The following MYCBP2 variants were observed in gnomAD, a reference collection of about 807,000 sequenced individuals.
MYCBP2 encodes the protein E3 ubiquitin-protein ligase MYCBP2.
A neutral mutation model predicts 525.3 loss-of-function variants in MYCBP2; 120 were observed. That is an observed-to-expected ratio of 0.23 (90% CI 0.20 to 0.27). MYCBP2 has a LOEUF of 0.27. Among genes scored for constraint, MYCBP2 ranks in the 10% least tolerant of loss-of-function variants. The pLI is 1.00. For synonymous variants in MYCBP2, 1,894 were observed against 1,955.8 expected, an observed-to-expected ratio of 0.97 and a Z score of 0.83; for missense variants, 4,149 against 5,657.1, an observed-to-expected ratio of 0.73 and a Z score of 8.55.
In MYCBP2 at chr13:77,181,721, G is replaced by A. The variant is rs1280672694; in HGVS notation, c.4921C>T (p.His1641Tyr). 3 of 1,613,838 alleles carry A rather than the reference G, an allele frequency of 1.9e-6. No homozygotes were observed. In the Admixed American group the frequency reaches 5.0e-5, roughly 27 times the overall value. Residue 1641 changes from histidine to tyrosine, a missense_variant, in exon 33 of 83, where the codon CAT becomes TAT. Physicochemically the swap from His to Tyr is moderately conservative, Grantham distance 83. Coordinates refer to ENST00000544440, the MANE Select transcript of MYCBP2 (RefSeq NM_015057.5). The stretch of plus-strand genomic sequence containing the variant: ...CCTACCTGGCTGAGTTTTTCCATAT[G>A]TGCCACCAAAAGGGGAAAACGATGA... ...LVHRFPLLVA[H>Y]MEKLSQSEEN...
intron 2 of MYCBP2, among the ~76,000 whole-genome samples, chr13:77,292,910 T>C (rs575456234): frequency 1.5e-5 from 2 of 132,658 alleles, no homozygotes; most frequent in East Asian, 4.5e-4. Context: ...TGAGCTGAGA[T>C]CGCACACCAC....
In MYCBP2 at chr13:77,057,018, T is replaced by C. The variant is rs1268491564; in HGVS notation, c.13405A>G (p.Thr4469Ala). 6.2e-7 allele frequency: 1 copy of C among 1,613,570 alleles called. No individual in the cohort carries two copies. The highest frequency in any genetic ancestry group is 1.3e-5 in the African/African-American group (1 of 74,920). ...ATGGGACAAGATATAAATCCAAATG[T>C]TATCCTTGGGCCAAGCCATCGATTT... ...LENRWLGPRI[T>A]FGFISCPICK... Residue 4469 changes from threonine to alanine, a missense_variant, in exon 79 of 83, where the codon ACA becomes GCA. Physicochemically the swap from Thr to Ala is moderately conservative, Grantham distance 58. Around this residue, in one of 21 missense-constraint regions of MYCBP2, gnomAD observed 220 missense variants for 396.0 expected, o/e 0.56. Transcript: ENST00000544440.
intron 27 of MYCBP2, among the ~76,000 whole-genome samples, chr13:77,192,520 T>C (rs1372761163): frequency 6.6e-6 from 1 of 152,148 alleles, no homozygotes; most frequent in African/African-American, 2.4e-5. Flanking sequence ...TTATTGGTTG[T>C]AGCTGGAATT....
At chr13:77,310,118 C>A (rs1169813273) in intron 1 of MYCBP2, among the ~76,000 whole-genome samples, 2 of 151,990 alleles carry the variant, frequency 1.3e-5, no homozygotes, top group African/African-American at 4.8e-5. Flanking sequence ...CTCAGAAAAA[C>A]AGACAAAAAA....
At chr13:77,138,815 C>T (rs190681892) in intron 52 of MYCBP2, among the ~76,000 whole-genome samples, 1 of 152,268 alleles carries the variant, frequency 6.6e-6, no homozygotes, top group African/African-American at 2.4e-5. Context: ...TACATTTATA[C>T]ATGTTTTTGA....
intron 1 of MYCBP2, among the ~76,000 whole-genome samples, chr13:77,298,500 T>C (rs2078432086): frequency 6.6e-6 from 1 of 152,164 alleles, no homozygotes; most frequent in Admixed American, 6.5e-5. Flanking sequence ...TCCAGAAAAG[T>C]TCCTGGGATA....
Position 77,058,502 on chromosome 13 carries a change from C to T in MYCBP2, c.13141-96G>A. Reference sequence around the variant, plus strand: ...TATAAATTTCCAAAGATTACTTTCCCACAGGAAGTATCTATGCAGGCCAAG... The same window carrying T: ...TATAAATTTCCAAAGATTACTTTCCTACAGGAAGTATCTATGCAGGCCAAG... On this transcript the variant is annotated intron_variant, in intron 77 of 82. Coordinates refer to ENST00000544440, the MANE Select transcript of MYCBP2 (RefSeq NM_015057.5). This position sits in a 1 kb window ranked among gnomAD's most constrained non-coding sequence, Gnocchi z 4.1. The T allele has an allele frequency of 9.1e-7, 1 of 1,093,616 alleles. No individual in the cohort carries two copies. The highest frequency in any genetic ancestry group is 2.8e-5 in the East Asian group (1 of 36,140). 67.7% of individuals were successfully genotyped at this position (1,093,616 alleles called of 1,614,324 possible). A position where few individuals can be genotyped will look rare whatever the true frequency, so the allele number is the denominator to read the frequency against.
At chr13:77,316,140 A>C (rs965605807) in intron 1 of MYCBP2, among the ~76,000 whole-genome samples, 1 of 152,274 alleles carries the variant, frequency 6.6e-6, no homozygotes. Context: ...ATCAGAAAGA[A>C]AGACAATATG....
At chr13:77,135,525 G>A (rs1245314702) in intron 52 of MYCBP2, among the ~76,000 whole-genome samples, 1 of 152,170 alleles carries the variant, frequency 6.6e-6, no homozygotes, top group Non-Finnish European at 1.5e-5. Flanking sequence ...AGTCCCTACA[G>A]AAAATCATAC....
In MYCBP2 at chr13:77,144,493, C is replaced by T. The variant is rs1276238906; in HGVS notation, c.7255G>A (p.Ala2419Thr). The T allele has an allele frequency of 1.9e-6, 3 of 1,613,778 alleles. No homozygotes were observed. Among genetic ancestry groups the T allele is most frequent in the East Asian group, 2.2e-5 (1 of 44,854 alleles). ...ACATGAAGAGTGTAGAGTCCAATAG[C>T]CCCTGGAGTCCAATTTGCACAATAA... ...GTYCANWTPG[A>T]IGLYTLHVTI... Residue 2419 changes from alanine (A) to threonine (T), a missense_variant, in exon 49 of 83, where the codon GCT (alanine) becomes ACT (threonine). Physicochemically the swap from Ala to Thr is moderately conservative, Grantham distance 58. Around this residue, in one of 21 missense-constraint regions of MYCBP2, gnomAD observed 692 missense variants for 852.7 expected, o/e 0.81. Coordinates refer to ENST00000544440, the MANE Select transcript of MYCBP2 (RefSeq NM_015057.5).
intron 55 of MYCBP2, among the ~76,000 whole-genome samples, chr13:77,114,680 CTG>C (rs1299858226): frequency 5.3e-5 from 8 of 152,026 alleles, no homozygotes; most frequent in African/African-American, 1.9e-4. Context: ...CTTGAAAGTA[CTG>C]TCTTTTGACA....
chr13:77,162,460 A>C (rs1303363547), intron 43 of MYCBP2, among the ~76,000 whole-genome samples: 2 of 152,192 alleles, frequency 1.3e-5, no homozygotes, highest in Non-Finnish European at 2.9e-5. Flanking sequence ...TTAATTATTA[A>C]ATGTTACTAA....
chr13:77,181,315 A>T (rs891901875), intron 33 of MYCBP2, among the ~76,000 whole-genome samples: 3 of 152,156 alleles, frequency 2.0e-5, no homozygotes, highest in African/African-American at 7.2e-5. Context: ...TAGATATTTT[A>T]AAAATCCTTT....
At chr13:77,244,556 A>C (rs2154318333) in intron 15 of MYCBP2, among the ~76,000 whole-genome samples, 1 of 152,368 alleles carries the variant, frequency 6.6e-6, no homozygotes, top group South Asian at 2.1e-4. Flanking sequence ...TAAGACTATA[A>C]AAACCCTGGA....
intron 21 of MYCBP2, 59 bp from the exon 22 acceptor site, chr13:77,212,219 A>G: frequency 6.8e-7 from 1 of 1,461,172 alleles, no homozygotes; most frequent in East Asian, 2.3e-5. Flanking sequence ...TAATTTTCAT[A>G]AAGTTAAGGA....
chr13:77,199,752 T>C (rs2062239622), intron 26 of MYCBP2, among the ~76,000 whole-genome samples: 1 of 152,150 alleles, frequency 6.6e-6, no homozygotes, highest in African/African-American at 2.4e-5. Context: ...TCCAGCAGCC[T>C]AACTGGGAGG....
chr13:77,281,170 GAAGA>G (rs2076149190), intron 3 of MYCBP2, among the ~76,000 whole-genome samples: 1 of 152,064 alleles, frequency 6.6e-6, no homozygotes, highest in Non-Finnish European at 1.5e-5. Context: ...TATCAGGAAG[GAAGA>G]GTGTAAGGAG....
At chr13:77,185,031 G>C in intron 32 of MYCBP2, 72 bp downstream of exon 32, 4 of 1,350,346 alleles carry the variant, frequency 3.0e-6, no homozygotes, top group Non-Finnish European at 4.1e-6. Flanking sequence ...TATGGCAACT[G>C]CAATTTATTT....
intron 68 of MYCBP2, 137 bp from the exon 69 acceptor site, chr13:77,070,848 G>T: frequency 1.9e-6 from 1 of 524,066 alleles, no homozygotes; most frequent in Non-Finnish European, 3.2e-6. Context: ...TTAAATTGAG[G>T]CTTATAATAC....
Sources: allele counts gnomAD v4.1 joint callset (sites outside exome capture counted in the v4.1 genomes callset), GRCh38; gene constraint gnomAD v4.1.1; regional missense constraint gnomAD v4.1.1; non-coding constraint Gnocchi (gnomAD v3.1); transcripts MANE v1.5; gene names NCBI Gene and HGNC (gene_info 2026-07-23, HGNC 2026-07-21).